MGAT4C: variants seen among roughly 807,000 people sequenced by gnomAD.
The protein encoded by MGAT4C is alpha-1,3-mannosyl-glycoprotein 4-beta-N-acetylglucosaminyltransferase C.
A neutral mutation model predicts 40.1 loss-of-function variants in MGAT4C; 19 were observed. That is an observed-to-expected ratio of 0.47 (90% CI 0.33 to 0.70). The LOEUF is 0.70. MGAT4C is among the 30% of genes least tolerant of loss of function. The pLI, the probability that MGAT4C is intolerant of heterozygous loss-of-function variation, is 0.02. For missense variants in MGAT4C, 491 were observed against 563.2 expected, an observed-to-expected ratio of 0.87 and a Z score of 1.30; for synonymous variants, 181 against 187.1, an observed-to-expected ratio of 0.97 and a Z score of 0.27.
intron 2 of MGAT4C, chr12:86,016,333 C>A (rs1282680877): frequency 6.6e-6 from 1 of 152,138 alleles, no homozygotes; most frequent in Non-Finnish European, 1.5e-5. Flanking sequence ...CTATATGGAA[C>A]CAGAGGAAGA....
At chr12:86,310,697 A>G (rs1218839523) in intron 4 of MGAT4C, among the ~76,000 whole-genome samples, 2 of 152,062 alleles carry the variant, frequency 1.3e-5, no homozygotes, top group Non-Finnish European at 2.9e-5. Flanking sequence ...TAAGGCGGGC[A>G]GATTGCTTGA....
intron 1 of MGAT4C, among the ~76,000 whole-genome samples, chr12:86,810,165 A>AT (rs1337826239): frequency 1.3e-5 from 2 of 151,804 alleles, no homozygotes; most frequent in African/African-American, 2.4e-5. Flanking sequence ...CTGCATTTTC[A>AT]TTTTTTTATA....
intron 2 of MGAT4C, among the ~76,000 whole-genome samples, chr12:86,616,291 G>A (rs1255487545): frequency 6.6e-6 from 1 of 152,026 alleles, no homozygotes; most frequent in East Asian, 1.9e-4. Flanking sequence ...TGATTGTTGA[G>A]TAGATATCTG....
intron 2 of MGAT4C, among the ~76,000 whole-genome samples, chr12:86,640,461 T>C (rs1963348362): frequency 6.6e-6 from 1 of 151,902 alleles, no homozygotes; most frequent in Admixed American, 6.6e-5. Context: ...CCCTTTATCA[T>C]TTTTTATTGC....
At chr12:86,359,657 C>T (rs1417323710) in intron 3 of MGAT4C, among the ~76,000 whole-genome samples, 2 of 152,098 alleles carry the variant, frequency 1.3e-5, no homozygotes, top group African/African-American at 4.8e-5. Flanking sequence ...ATATCACCAA[C>T]AATCCCACAG....
chr12:86,798,335 G>A (rs927055750), intron 1 of MGAT4C, among the ~76,000 whole-genome samples: 4 of 151,886 alleles, frequency 2.6e-5, no homozygotes, highest in Non-Finnish European at 5.9e-5. Context: ...TGCCAGGAAT[G>A]TTCTTCCCAT....
At chr12:86,091,460 G>A (rs1007975532) in intron 1 of MGAT4C, among the ~76,000 whole-genome samples, 3 of 151,970 alleles carry the variant, frequency 2.0e-5, no homozygotes, top group African/African-American at 7.2e-5. Flanking sequence ...AGAAAGCAGA[G>A]CATAAAGTGG....
chr12:86,025,306 A>G (rs961732226), intron 2 of MGAT4C, among the ~76,000 whole-genome samples: 3 of 151,752 alleles, frequency 2.0e-5, no homozygotes, highest in East Asian at 1.9e-4. Flanking sequence ...CAATTTTCCT[A>G]TGTTCAATCT....
chr12:86,273,652 C>T (rs1226808900), intron 4 of MGAT4C, among the ~76,000 whole-genome samples: 3 of 152,062 alleles, frequency 2.0e-5, no homozygotes, highest in African/African-American at 7.2e-5. Flanking sequence ...AGATTATATA[C>T]CATAACATAG....
chr12:86,405,582 T>C (rs1424036070), intron 3 of MGAT4C, among the ~76,000 whole-genome samples: 2 of 151,946 alleles, frequency 1.3e-5, no homozygotes, highest in Non-Finnish European at 2.9e-5. Flanking sequence ...TGTAAAGCAA[T>C]TCTTATCACA....
chr12:86,314,861 G>C (rs1243804389), intron 4 of MGAT4C, among the ~76,000 whole-genome samples: 1 of 152,102 alleles, frequency 6.6e-6, no homozygotes, highest in Non-Finnish European at 1.5e-5. Context: ...TTAAACAAAT[G>C]GAAAAACATT....
intron 2 of MGAT4C, among the ~76,000 whole-genome samples, chr12:86,552,041 A>AC (rs1959391566): frequency 6.6e-6 from 1 of 151,404 alleles, no homozygotes; most frequent in Non-Finnish European, 1.5e-5. Flanking sequence ...AAAAAAAAAA[A>AC]ACCAAAAAAC....
intron 2 of MGAT4C, among the ~76,000 whole-genome samples, chr12:86,554,520 A>G (rs1055435738): frequency 2.0e-5 from 3 of 152,120 alleles, no homozygotes; most frequent in African/African-American, 7.2e-5. Context: ...CTGTTTCCCC[A>G]AGATCCTTCT....
At chr12:86,024,464 T>C (rs1890070225) in intron 2 of MGAT4C, among the ~76,000 whole-genome samples, 1 of 151,836 alleles carries the variant, frequency 6.6e-6, no homozygotes, top group South Asian at 2.1e-4. Context: ...TAACAGGGTT[T>C]TGTTTCTTTC....
intron 2 of MGAT4C, among the ~76,000 whole-genome samples, chr12:86,553,240 T>G (rs1959451350): frequency 6.6e-6 from 1 of 152,140 alleles, no homozygotes; most frequent in African/African-American, 2.4e-5. Context: ...TTCTAATTGT[T>G]GCTGGCTTAA....
At chr12:86,173,348 A>G (rs1033274848) in intron 1 of MGAT4C, among the ~76,000 whole-genome samples, 6 of 152,132 alleles carry the variant, frequency 3.9e-5, no homozygotes, top group Non-Finnish European at 7.4e-5. Flanking sequence ...CTACATGAAG[A>G]GATATATATT....
At chr12:86,512,847 A>G (rs1592938770) in intron 2 of MGAT4C, among the ~76,000 whole-genome samples, 1 of 152,080 alleles carries the variant, frequency 6.6e-6, no homozygotes, top group Non-Finnish European at 1.5e-5. Flanking sequence ...AAGTTCAAAG[A>G]TTTGCTGTAT....
At chr12:86,134,623 G>T (rs1881696410) in intron 1 of MGAT4C, among the ~76,000 whole-genome samples, 1 of 152,044 alleles carries the variant, frequency 6.6e-6, no homozygotes, top group Non-Finnish European at 1.5e-5. Flanking sequence ...ATGCCGTTTT[G>T]TCATGTAGTT....
intron 1 of MGAT4C, among the ~76,000 whole-genome samples, chr12:86,199,411 G>T (rs1256721301): frequency 6.6e-6 from 1 of 151,954 alleles, no homozygotes; most frequent in Non-Finnish European, 1.5e-5. Flanking sequence ...TAAATAAGCT[G>T]CATATTCTGA....
Sources: gnomAD v4.1 joint callset for allele counts (sites outside exome capture counted in the v4.1 genomes callset) on GRCh38, gnomAD v4.1.1 for gene constraint, MANE v1.5 for transcripts, NCBI Gene and HGNC (gene_info 2026-07-23, HGNC 2026-07-21) for gene names.